The following BCKDHB variants were observed in gnomAD, a reference collection of about 807,000 sequenced individuals.
The protein encoded by BCKDHB is branched chain keto acid dehydrogenase E1 subunit beta.
In BCKDHB, 41 loss-of-function variants were observed where a neutral mutation model predicts 48.5. The ratio of observed to expected loss-of-function variants is 0.85; its 90% confidence interval spans 0.66 to 1.10. BCKDHB has a LOEUF of 1.10. Ranked by LOEUF, BCKDHB falls within the 50% of genes least tolerant of loss-of-function variation. The pLI, the probability that BCKDHB is intolerant of heterozygous loss-of-function variation, is 0.00. For missense variants in BCKDHB, 496 were observed against 494.2 expected, an observed-to-expected ratio of 1.00 and a Z score of -0.03; for synonymous variants, 201 against 174.8, an observed-to-expected ratio of 1.15 and a Z score of -1.18.
intron 9 of BCKDHB, among the ~76,000 whole-genome samples, chr6:80,336,253 G>A (rs1283655905): frequency 1.3e-5 from 2 of 151,626 alleles, no homozygotes; most frequent in Non-Finnish European, 3.0e-5. Context: ...ATTTTATTCT[G>A]ACACAGCTGT....
chr6:80,201,023 G>A lies in BCKDHB; in HGVS notation c.832G>A (p.Gly278Ser), dbSNP rs386834233. 2.9e-4 allele frequency: 474 copies of A among 1,607,980 alleles called. No individual in the cohort carries two copies. Among genetic ancestry groups the A allele is most frequent in the Admixed American group, 3.2e-4 (19 of 59,938 alleles). The change falls in exon 7 of 10, where the codon GGC becomes AGC. Residue 278 changes from glycine to serine, a missense_variant. Coordinates refer to ENST00000320393, the MANE Select transcript of BCKDHB (RefSeq NM_183050.4). ...GAGTGATGTTACTCTAGTTGCCTGG[G>A]GCACTCAGGTGAGTAGCATTGATCC... ...EGSDVTLVAW[G>S]TQVHVIREVA...
At chr6:80,253,575 A>AG (rs1428151512) in intron 8 of BCKDHB, among the ~76,000 whole-genome samples, 1 of 152,176 alleles carries the variant, frequency 6.6e-6, no homozygotes, top group Non-Finnish European at 1.5e-5. Flanking sequence ...GAAAGCATAA[A>AG]CTTCCAAAGG....
chr6:80,436,709 A>G, the BCKDHB span, among the ~76,000 whole-genome samples: 1 of 152,154 alleles, frequency 6.6e-6, no homozygotes, highest in Non-Finnish European at 1.5e-5. Flanking sequence ...CATATTATAA[A>G]TATTTGATTA....
the BCKDHB span, among the ~76,000 whole-genome samples, chr6:80,436,514 G>T: frequency 6.6e-6 from 1 of 152,056 alleles, no homozygotes; most frequent in Non-Finnish European, 1.5e-5. Context: ...ATTTAAGCAT[G>T]TTAGATGCAT....
chr6:80,225,010 A>G (rs1400910443), intron 8 of BCKDHB, among the ~76,000 whole-genome samples: 1 of 152,136 alleles, frequency 6.6e-6, no homozygotes, highest in African/African-American at 2.4e-5. Flanking sequence ...CCTTTCTCTA[A>G]CTTCCACCTA....
intron 6 of BCKDHB, among the ~76,000 whole-genome samples, chr6:80,173,130 A>C (rs1772994395): frequency 6.6e-6 from 1 of 152,146 alleles, no homozygotes; most frequent in African/African-American, 2.4e-5. Context: ...CTTTGCTGCA[A>C]ATTTTGAAAC....
chr6:80,374,837 C>T, the BCKDHB span, among the ~76,000 whole-genome samples: 2 of 152,114 alleles, frequency 1.3e-5, no homozygotes, highest in African/African-American at 4.8e-5. Flanking sequence ...ACTTGTAGTA[C>T]TAGCTTGGTT....
the BCKDHB span, among the ~76,000 whole-genome samples, chr6:80,377,407 GT>G: frequency 1.3e-4 from 19 of 151,934 alleles, 1 homozygote; most frequent in South Asian, 2.9e-3. Flanking sequence ...TCATAGGTAA[GT>G]TTTTTTTGCC....
chr6:80,408,389 C>T, the BCKDHB span, among the ~76,000 whole-genome samples: 1 of 151,992 alleles, frequency 6.6e-6, no homozygotes, highest in Non-Finnish European at 1.5e-5. Context: ...AGGGAGGATT[C>T]CTTCTTTTTC....
chr6:80,328,902 T>C (rs1379245787), intron 9 of BCKDHB, among the ~76,000 whole-genome samples: 1 of 152,176 alleles, frequency 6.6e-6, no homozygotes, highest in Non-Finnish European at 1.5e-5. Flanking sequence ...TTGCCAAAGA[T>C]ACAATAGACA....
chr6:80,212,372 G>T lies in BCKDHB; in HGVS notation c.951+9160G>T, dbSNP rs953247961. 1.8e-4 allele frequency among the ~76,000 whole-genome samples: 28 copies of T among 152,042 alleles called. 1 individual carries two copies. The highest frequency in any genetic ancestry group is 1.6e-3 in the Admixed American group (25 of 15,238). On this transcript the variant is annotated intron_variant, in intron 8 of 9. Coordinates refer to ENST00000320393, the MANE Select transcript of BCKDHB (RefSeq NM_183050.4). ...GTATTAATATTAATATTCCTTAAAA[G>T]AATTTAGCGATATCTCTCCTACTTG... is the stretch of plus-strand genomic sequence containing the variant.
At chr6:80,307,404 A>G (rs1286260652) in intron 9 of BCKDHB, 52 of 980,978 alleles carry the variant, frequency 5.3e-5, no homozygotes, top group Non-Finnish European at 6.1e-5. Flanking sequence ...ATTGAACTGT[A>G]TCCAATATTA....
At chr6:80,450,549 GA>G in the BCKDHB span, among the ~76,000 whole-genome samples, 1 of 152,200 alleles carries the variant, frequency 6.6e-6, no homozygotes, top group East Asian at 1.9e-4. Context: ...TTACACAAAG[GA>G]CAATAGATAA....
intron 9 of BCKDHB, among the ~76,000 whole-genome samples, chr6:80,285,351 C>A (rs937938735): frequency 5.9e-5 from 9 of 152,006 alleles, no homozygotes; most frequent in Admixed American, 2.0e-4. Flanking sequence ...TGATGGAATG[C>A]CTAATTATGT....
chr6:80,138,491 T>C (rs1177890136), intron 3 of BCKDHB, among the ~76,000 whole-genome samples: 1 of 152,044 alleles, frequency 6.6e-6, no homozygotes, highest in Non-Finnish European at 1.5e-5. Context: ...CCCCGTCCTG[T>C]GTCCATGTGT....
chr6:80,345,757 G>A lies in BCKDHB; in HGVS notation c.*1953G>A, dbSNP rs1488780208. The A allele has an allele frequency of 1.3e-5, 2 of 152,232 alleles. No homozygotes were observed. Among genetic ancestry groups the A allele is most frequent in the Non-Finnish European group, 2.9e-5 (2 of 68,038 alleles). 9.4% of individuals were successfully genotyped at this position (152,232 alleles called of 1,614,324 possible). The stretch of plus-strand genomic sequence containing the variant: ...CCAGCCGTAATAAAGAGCCAAGGTA[G>A]TGATGGTGGCCACGTGCCTCGTTGC... On this transcript the variant is annotated 3_prime_UTR_variant, in exon 10 of 10. Coordinates refer to ENST00000320393, the MANE Select transcript of BCKDHB (RefSeq NM_183050.4).
At chr6:80,256,562 T>C (rs1777060577) in intron 8 of BCKDHB, among the ~76,000 whole-genome samples, 3 of 152,230 alleles carry the variant, frequency 2.0e-5, no homozygotes, top group African/African-American at 4.8e-5. Flanking sequence ...CACACACATA[T>C]ATAAAGTTGT....
the BCKDHB span, among the ~76,000 whole-genome samples, chr6:80,375,347 A>G: frequency 6.6e-6 from 1 of 152,088 alleles, no homozygotes. Context: ...GTTCATTTTT[A>G]AAATTATTTT....
intron 8 of BCKDHB, among the ~76,000 whole-genome samples, chr6:80,235,728 G>A (rs907932218): frequency 5.3e-5 from 8 of 152,196 alleles, no homozygotes; most frequent in African/African-American, 1.9e-4. Context: ...GCAGTTGCTT[G>A]TGTAGTGGAT....
Sources: gnomAD v4.1 joint callset for allele counts (sites outside exome capture counted in the v4.1 genomes callset) on GRCh38, gnomAD v4.1.1 for gene constraint, MANE v1.5 for transcripts, NCBI Gene and HGNC (gene_info 2026-07-23, HGNC 2026-07-21) for gene names.